SIPA1L1: variants seen among roughly 807,000 people sequenced by gnomAD.
The protein encoded by SIPA1L1 is signal-induced proliferation-associated 1-like protein 1.
A neutral mutation model predicts 162.7 loss-of-function variants in SIPA1L1; 26 were observed. The observed-to-expected ratio is 0.16, with a 90% CI of 0.12 to 0.22. The LOEUF is 0.22. SIPA1L1 is among the 10% of genes least tolerant of loss of function. The pLI is 1.00. For synonymous variants in SIPA1L1, 829 were observed against 837.4 expected (o/e 0.99, Z 0.17); for missense variants, 1,874 against 2,241.0 (o/e 0.84, Z 3.31).
chr14:71,738,380 C>T (rs2085507535), intron 23 of SIPA1L1, 55 bp downstream of exon 23: 2 of 1,186,986 alleles, frequency 1.7e-6, no homozygotes, highest in Non-Finnish European at 2.5e-6. Context: ...ACCCTTGAAC[C>T]ATGAGAGCCC....
Position 71,713,880 on chromosome 14 carries a change from G to GT in SIPA1L1, c.4208+4227dup, listed in dbSNP as rs917228611. Among the ~76,000 whole-genome samples the GT allele has an allele frequency of 3.8e-3, 556 of 144,576 alleles. 1 individual carries two copies. Among genetic ancestry groups the GT allele is most frequent in the Middle Eastern group, 0.011 (3 of 282 alleles). 94.8% of individuals were successfully genotyped at this position (144,576 alleles called of 152,430 possible). A position where few individuals can be genotyped will look rare whatever the true frequency, so the allele number is the denominator to read the frequency against. ...CTCTAAATCTTTTCTGCCTGGAAAT[G>GT]TTTTTTTTTTTAGTTACTAACAATT... On this transcript the variant is annotated intron_variant, in intron 17 of 23. Coordinates refer to ENST00000381232, the MANE Select transcript of SIPA1L1 (RefSeq NM_001386936.1).
chr14:71,482,800 C>T (rs919599238), intron 2 of SIPA1L1, among the ~76,000 whole-genome samples: 1 of 152,114 alleles, frequency 6.6e-6, no homozygotes, highest in Non-Finnish European at 1.5e-5. Flanking sequence ...GTGCTTTTAG[C>T]CAGTTGGTAG....
rs144737964 is a variant in SIPA1L1 at position 71,583,918 on chromosome 14, A to C, written c.-302-3653A>C. 2.0e-4 allele frequency among the ~76,000 whole-genome samples: 31 copies of C among 152,226 alleles called. No homozygotes were observed. The East Asian group carries it at 5.8e-3, about 28-fold the overall frequency. ...ATGCAGATTTCCAGCCAGTAACTTA[A>C]TTATTCTGCCTTTGTTCAGCTGCAC... is the stretch of plus-strand genomic sequence containing the variant. On this transcript the variant is annotated intron_variant, in intron 4 of 23. Coordinates refer to ENST00000381232, the MANE Select transcript of SIPA1L1 (RefSeq NM_001386936.1).
chr14:71,470,542 G>A (rs1361509012), intron 2 of SIPA1L1, among the ~76,000 whole-genome samples: 1 of 152,182 alleles, frequency 6.6e-6, no homozygotes, highest in Non-Finnish European at 1.5e-5. Context: ...ACTTGCAAGA[G>A]TTGTATATAA....
At chr14:71,462,263 C>T (rs1412817302) in intron 2 of SIPA1L1, among the ~76,000 whole-genome samples, 1 of 152,176 alleles carries the variant, frequency 6.6e-6, no homozygotes, top group African/African-American at 2.4e-5. Flanking sequence ...ATCCTAGAGG[C>T]CTCCTCTGTG....
chr14:71,617,952 T>G (rs1412329541), intron 5 of SIPA1L1, among the ~76,000 whole-genome samples: 1 of 152,234 alleles, frequency 6.6e-6, no homozygotes, highest in Non-Finnish European at 1.5e-5. Flanking sequence ...AAGATGTATA[T>G]GCACAGTAAA....
At chr14:71,705,902 A>G (rs1399385774) in intron 16 of SIPA1L1, among the ~76,000 whole-genome samples, 1 of 150,462 alleles carries the variant, frequency 6.6e-6, no homozygotes, top group Non-Finnish European at 1.5e-5. Flanking sequence ...TCATTCTCCA[A>G]CCCCCCTCTT....
chr14:71,453,820 C>T (rs1207303395), intron 2 of SIPA1L1, among the ~76,000 whole-genome samples: 2 of 151,720 alleles, frequency 1.3e-5, no homozygotes, highest in African/African-American at 2.4e-5. Context: ...ATGGTGCAAC[C>T]CTATCTCTAC....
chr14:71,373,684 A>AT (rs2039108105), intron 2 of SIPA1L1, among the ~76,000 whole-genome samples: 1 of 151,386 alleles, frequency 6.6e-6, no homozygotes, highest in African/African-American at 2.4e-5. Flanking sequence ...AGTTACCAGT[A>AT]TTTAAAAATG....
chr14:71,500,702 A>G (rs750798470), intron 2 of SIPA1L1, among the ~76,000 whole-genome samples: 2 of 152,176 alleles, frequency 1.3e-5, no homozygotes, highest in Admixed American at 6.5e-5. Context: ...ATAGAACAAA[A>G]TGTTCATCAA....
At chr14:71,330,574 A>G (rs2034407572) in intron 2 of SIPA1L1, 1 of 1,171,834 alleles carries the variant, frequency 8.5e-7, no homozygotes, top group East Asian at 2.3e-5. Flanking sequence ...TCCTCCTCAG[A>G]TGTTAAATCC....
intron 9 of SIPA1L1, among the ~76,000 whole-genome samples, chr14:71,659,958 G>GA (rs2043368159): frequency 6.6e-6 from 1 of 151,604 alleles, no homozygotes; most frequent in Non-Finnish European, 1.5e-5. Flanking sequence ...AAAAAACCAG[G>GA]AAAAATGTAT....
intron 4 of SIPA1L1, among the ~76,000 whole-genome samples, chr14:71,548,023 A>G (rs1381830408): frequency 1.3e-5 from 2 of 152,188 alleles, no homozygotes; most frequent in Non-Finnish European, 1.5e-5. Flanking sequence ...CACAGAATAG[A>G]TTTTATTTTT....
At chr14:71,515,339 T>C (rs895737073) in intron 3 of SIPA1L1, among the ~76,000 whole-genome samples, 2 of 152,244 alleles carry the variant, frequency 1.3e-5, no homozygotes, top group African/African-American at 4.8e-5. Context: ...GAATGAAAAC[T>C]AATGGTTTGC....
chr14:71,361,879 G>A (rs1467529926), intron 2 of SIPA1L1, among the ~76,000 whole-genome samples: 7 of 152,214 alleles, frequency 4.6e-5, no homozygotes, highest in Non-Finnish European at 1.0e-4. Context: ...TACCATGCTA[G>A]TATCATGTAC....
intron 4 of SIPA1L1, among the ~76,000 whole-genome samples, chr14:71,560,066 G>T (rs957513439): frequency 2.0e-5 from 3 of 152,106 alleles, no homozygotes; most frequent in Non-Finnish European, 2.9e-5. Context: ...TACCATTAAT[G>T]TGTTCATTCG....
At chr14:71,352,326 T>G (rs1042104315) in intron 2 of SIPA1L1, among the ~76,000 whole-genome samples, 3 of 152,026 alleles carry the variant, frequency 2.0e-5, no homozygotes, top group African/African-American at 2.4e-5. Flanking sequence ...GTTGAATTTC[T>G]GCGAAGTGAA....
rs746877496 is a variant in SIPA1L1 at position 71,672,574 on chromosome 14, C to T, written c.3056C>T (p.Thr1019Met). The change falls in exon 12 of 24, where the codon ACG becomes ATG. Residue 1019 changes from threonine (T) to methionine (M), a missense_variant. Thr to Met is a moderately conservative substitution (Grantham distance 81). This residue lies in a region of SIPA1L1 where 936 missense variants were observed against 1,051.9 expected (regional missense o/e 0.89). Coordinates refer to ENST00000381232, the MANE Select transcript of SIPA1L1 (RefSeq NM_001386936.1). ...QMIDLLRTSV[T>M]VKVVIIPPHD... The stretch of plus-strand genomic sequence containing the variant: ...ATCGACCTCCTGAGAACATCTGTCA[C>T]GGTGAAGGTTGTCATCATTCCCCCG... 1.3e-5 allele frequency: 21 copies of T among 1,614,184 alleles called. No homozygotes were observed. The highest frequency in any genetic ancestry group is 4.4e-5 in the South Asian group (4 of 91,084).
At chr14:71,327,104 G>A (rs565870205) in intron 2 of SIPA1L1, among the ~76,000 whole-genome samples, 2 of 137,210 alleles carry the variant, frequency 1.5e-5, no homozygotes, top group African/African-American at 5.5e-5. Flanking sequence ...TTTTTGAGAC[G>A]GAGTTTTTGC....
Sources: gnomAD v4.1 joint callset for allele counts (sites outside exome capture counted in the v4.1 genomes callset) on GRCh38, gnomAD v4.1.1 for gene constraint, gnomAD v4.1.1 regional missense constraint, MANE v1.5 for transcripts, NCBI Gene and HGNC (gene_info 2026-07-23, HGNC 2026-07-21) for gene names.